DCC: variants seen among roughly 807,000 people sequenced by gnomAD.
DCC encodes the protein DCC netrin 1 receptor.
In DCC, 58 loss-of-function variants were observed where a neutral mutation model predicts 172.5. The ratio of observed to expected loss-of-function variants is 0.34; its 90% CI spans 0.27 to 0.42. DCC has a LOEUF of 0.42. Among genes scored for constraint, DCC ranks in the 10% least tolerant of loss-of-function variants. The probability of loss-of-function intolerance (pLI) is 1.00; values close to 1 mark genes in which losing one functional copy is unlikely to be tolerated. For missense variants in DCC, 1,740 were observed against 1,791.0 expected (o/e 0.97, Z 0.51); for synonymous variants, 709 against 644.5 (o/e 1.10, Z -1.52).
At chr18:52,950,172 T>G (rs1012075616) in intron 5 of DCC, among the ~76,000 whole-genome samples, 2 of 152,224 alleles carry the variant, frequency 1.3e-5, no homozygotes, top group Non-Finnish European at 2.9e-5. Context: ...TTTTTGTATC[T>G]GTCTCCTGAT....
intron 1 of DCC, among the ~76,000 whole-genome samples, chr18:52,666,654 G>A (rs1462390950): frequency 6.6e-6 from 1 of 151,914 alleles, no homozygotes; most frequent in East Asian, 1.9e-4. Flanking sequence ...CAGTACTTTG[G>A]CTCAATTCAG....
intron 12 of DCC, among the ~76,000 whole-genome samples, chr18:53,284,875 C>A (rs2056918130): frequency 6.6e-6 from 1 of 152,166 alleles, no homozygotes; most frequent in Non-Finnish European, 1.5e-5. Context: ...TTCTTGGGAA[C>A]TGGATCAAAG....
intron 12 of DCC, among the ~76,000 whole-genome samples, chr18:53,284,784 T>A (rs2056916959): frequency 6.6e-6 from 1 of 152,108 alleles, no homozygotes; most frequent in African/African-American, 2.4e-5. Context: ...TAGAAACTTG[T>A]TAAGTGGCTT....
intron 5 of DCC, among the ~76,000 whole-genome samples, chr18:53,035,302 A>G (rs570228112): frequency 1.3e-5 from 2 of 152,128 alleles, no homozygotes; most frequent in African/African-American, 4.8e-5. Context: ...CTATCTCACT[A>G]AAGTACAATA....
chr18:52,713,526 C>T (rs981154186), intron 1 of DCC, among the ~76,000 whole-genome samples: 6 of 152,158 alleles, frequency 3.9e-5, no homozygotes, highest in Non-Finnish European at 5.9e-5. Flanking sequence ...GAAGCACAGC[C>T]GGCAGCATGA....
intron 12 of DCC, among the ~76,000 whole-genome samples, chr18:53,293,886 C>G (rs2057034771): frequency 6.6e-6 from 1 of 152,106 alleles, no homozygotes; most frequent in South Asian, 2.1e-4. Flanking sequence ...CTACCAGACT[C>G]TCAAATTATT....
chr18:53,100,146 C>T (rs1044342507), intron 7 of DCC, among the ~76,000 whole-genome samples: 1 of 151,638 alleles, frequency 6.6e-6, no homozygotes, highest in East Asian at 1.9e-4. Context: ...AGGGGTTTTG[C>T]CATGTTGAGC....
intron 5 of DCC, among the ~76,000 whole-genome samples, chr18:52,937,789 T>A (rs2040402554): frequency 6.6e-6 from 1 of 152,052 alleles, no homozygotes; most frequent in Non-Finnish European, 1.5e-5. Context: ...CCAATGTGAC[T>A]TTTGTCTTAA....
intron 18 of DCC, among the ~76,000 whole-genome samples, chr18:53,400,612 A>G (rs1909238528): frequency 6.6e-6 from 1 of 152,154 alleles, no homozygotes; most frequent in African/African-American, 2.4e-5. Context: ...TCAAATATTA[A>G]GGAACAGTGT....
chr18:53,014,260 C>T (rs1283051140), intron 5 of DCC, among the ~76,000 whole-genome samples: 2 of 152,136 alleles, frequency 1.3e-5, no homozygotes, highest in Non-Finnish European at 2.9e-5. Context: ...TGAAGTTAAA[C>T]TGTTCTTTGG....
chr18:52,595,762 AT>A (rs1441131924), intron 1 of DCC, among the ~76,000 whole-genome samples: 1 of 152,170 alleles, frequency 6.6e-6, no homozygotes, highest in Admixed American at 6.5e-5. Flanking sequence ...CAATCCACAC[AT>A]TTGTGAAGCC....
At chr18:53,311,017 C>CACACACACACACACA (rs1315056325) in intron 13 of DCC, among the ~76,000 whole-genome samples, 1 of 152,070 alleles carries the variant, frequency 6.6e-6, no homozygotes, top group South Asian at 2.1e-4. Context: ...CACACACACA[C>CACACACACACACACA]ATTGAGATTG....
intron 14 of DCC, among the ~76,000 whole-genome samples, chr18:53,335,183 T>A (rs1314263245): frequency 1.3e-5 from 2 of 152,162 alleles, no homozygotes; most frequent in East Asian, 3.9e-4. Flanking sequence ...TTGTTTCCTC[T>A]CCCTACAGAG....
At chr18:52,796,993 G>A (rs2037888288) in intron 2 of DCC, among the ~76,000 whole-genome samples, 2 of 149,458 alleles carry the variant, frequency 1.3e-5, no homozygotes, top group African/African-American at 2.4e-5. Flanking sequence ...GGTCACATAG[G>A]CTTTCTTCAT....
chr18:52,368,369 T>C (rs1038496499), intron 1 of DCC, among the ~76,000 whole-genome samples: 1 of 152,114 alleles, frequency 6.6e-6, no homozygotes, highest in South Asian at 2.1e-4. Context: ...TTGGGATAAA[T>C]GAATGGGGGA....
chr18:53,263,854 C>T (rs1021229346), intron 12 of DCC, among the ~76,000 whole-genome samples: 2 of 151,876 alleles, frequency 1.3e-5, no homozygotes, highest in African/African-American at 4.8e-5. Flanking sequence ...TCTGACCCTA[C>T]TGATATTATA....
At position 52,682,126 on chromosome 18, in the gene DCC, G is replaced by A. The variant is rs529107917; in HGVS notation, c.92-69928G>A. On this transcript the variant is annotated intron_variant, in intron 1 of 28. Coordinates refer to ENST00000442544, the MANE Select transcript of DCC (RefSeq NM_005215.4). ...ATTTGCTAATGGGGTTCCATTTATG[G>A]CAGTTTATGGATTGCCTAACTTTGC... 3.9e-5 allele frequency among the ~76,000 whole-genome samples: 6 copies of A among 152,156 alleles called. No homozygotes were observed. In the East Asian group the frequency reaches 1.2e-3, roughly 29 times the overall value.
At chr18:52,499,543 C>T (rs771559089) in intron 1 of DCC, among the ~76,000 whole-genome samples, 1 of 152,152 alleles carries the variant, frequency 6.6e-6, no homozygotes, top group Non-Finnish European at 1.5e-5. Context: ...GTCCTTTCTT[C>T]CCTTCCATAT....
chr18:52,413,539 T>C, intron 1 of DCC, among the ~76,000 whole-genome samples: 1 of 152,078 alleles, frequency 6.6e-6, no homozygotes, highest in East Asian at 1.9e-4. Flanking sequence ...ATAAAAGTTA[T>C]TTATTGGTGG....
Sources: gnomAD v4.1 joint callset for allele counts (sites outside exome capture counted in the v4.1 genomes callset) on GRCh38, gnomAD v4.1.1 for gene constraint, MANE v1.5 for transcripts, NCBI Gene and HGNC (gene_info 2026-07-23, HGNC 2026-07-21) for gene names.